ANKRD27: variants seen among roughly 807,000 people sequenced by gnomAD.
The protein encoded by ANKRD27 is ankyrin repeat domain-containing protein 27.
A neutral mutation model predicts 129.7 loss-of-function variants in ANKRD27; 112 were observed. That is an observed-to-expected ratio of 0.86 (90% CI 0.74 to 1.01). The LOEUF (loss-of-function observed/expected upper bound fraction) is 1.01. Ranked by LOEUF, ANKRD27 falls within the 50% of genes least tolerant of loss-of-function variation. ANKRD27 has a pLI of 0.00. For missense variants in ANKRD27, 1,258 were observed against 1,300.5 expected (o/e 0.97, Z 0.50); for synonymous variants, 516 against 511.2 (o/e 1.01, Z -0.13).
At chr19:32,646,727 G>T in intron 3 of ANKRD27, 112 bp from the exon 4 acceptor site, 1 of 1,071,034 alleles carries the variant, frequency 9.3e-7, no homozygotes, top group Non-Finnish European at 1.3e-6. Context: ...ACCCCATTGT[G>T]GGTTTGCTGG....
intron 22 of ANKRD27, among the ~76,000 whole-genome samples, chr19:32,611,800 C>T (rs1971839377): frequency 6.6e-6 from 1 of 152,170 alleles, no homozygotes; most frequent in African/African-American, 2.4e-5. Flanking sequence ...AGGCTGGTCT[C>T]GAATTCCTGA....
intron 25 of ANKRD27, among the ~76,000 whole-genome samples, chr19:32,603,967 C>T (rs1165897931): frequency 6.6e-6 from 1 of 152,138 alleles, no homozygotes; most frequent in African/African-American, 2.4e-5. Flanking sequence ...GTGCCTGACT[C>T]TATGTAACTA....
chr19:32,626,030 G>T, intron 16 of ANKRD27, 64 bp from the exon 17 acceptor site: 1 of 1,358,690 alleles, frequency 7.4e-7, no homozygotes, highest in Non-Finnish European at 9.9e-7. Context: ...CCGGCCTCCA[G>T]TCTTAGCAGG....
chr19:32,651,224 G>C (rs1263464473), intron 2 of ANKRD27, among the ~76,000 whole-genome samples: 2 of 152,182 alleles, frequency 1.3e-5, no homozygotes, highest in African/African-American at 4.8e-5. Flanking sequence ...GTGGGCCACA[G>C]GCAATGGGAT....
chr19:32,643,948 C>T (rs749702444), intron 5 of ANKRD27, among the ~76,000 whole-genome samples: 12 of 151,840 alleles, frequency 7.9e-5, no homozygotes, highest in Non-Finnish European at 1.5e-4. Flanking sequence ...GACTATAGCA[C>T]GCTGCAGTCT....
rs756900338 is a variant in ANKRD27 at position 32,631,484 on chromosome 19, C to G, written c.1127G>C (p.Gly376Ala). The G allele has an allele frequency of 3.1e-6, 5 of 1,613,876 alleles. No homozygotes were observed. Among genetic ancestry groups the G allele is most frequent in the African/African-American group, 1.3e-5 (1 of 74,932 alleles). ...SLSAKPPESEGFGDRLFLKQR... is the reference protein window; with the variant it reads ...SLSAKPPESEAFGDRLFLKQR... ...CTTAAGGAACAGCCTGTCTCCAAAT[C>G]CCTCAGACTCCTGCAGGGAAAAAAC... is the stretch of plus-strand genomic sequence containing the variant. Residue 376 changes from glycine to alanine, a missense_variant, in exon 13 of 29, where the codon GGA becomes GCA. Physicochemically the swap from Gly to Ala is moderately conservative, Grantham distance 60. Transcript: ENST00000306065.
At chr19:32,647,615 G>A (rs1422573380) in intron 3 of ANKRD27, among the ~76,000 whole-genome samples, 1 of 152,184 alleles carries the variant, frequency 6.6e-6, no homozygotes, top group Non-Finnish European at 1.5e-5. Flanking sequence ...GGAAGCACGG[G>A]GTTGTCAGTG....
chr19:32,630,626 A>T lies in ANKRD27; in HGVS notation c.1209+776T>A, dbSNP rs1242663557. ...GTGCCGCCCAGCACAGCTACAGCAC[A>T]GCACGCTGGGGGAGGTGGGGAAACA... On this transcript the variant is annotated intron_variant, in intron 13 of 28. Transcript: ENST00000306065. Among the ~76,000 whole-genome samples, 5 of 152,174 alleles carry T rather than the reference A, an allele frequency of 3.3e-5. No homozygotes were observed. The East Asian group carries it at 9.7e-4, about 29-fold the overall frequency.
chr19:32,656,028 G>GAAGAAA (rs1967511343), intron 2 of ANKRD27, among the ~76,000 whole-genome samples: 1 of 119,918 alleles, frequency 8.3e-6, no homozygotes, highest in Non-Finnish European at 1.6e-5. Flanking sequence ...AAAAAAAAAA[G>GAAGAAA]AAGAAAAGAA....
Position 32,622,549 on chromosome 19 carries a change from G to A in ANKRD27, c.1700C>T (p.Thr567Ile), listed in dbSNP as rs1296337337. ...CCAGCGGGCAGCAATGTGTAGAGGG[G>A]TGTCTCCTTTCTCATTGCCAATGTC... ...RLDIGNEKGDTPLHIAARWGY... is the reference protein window; with the variant it reads ...RLDIGNEKGDIPLHIAARWGY... Residue 567 changes from threonine (T) to isoleucine (I), a missense_variant, in exon 18 of 29, where the codon ACC becomes ATC. Physicochemically the swap from Thr to Ile is moderately conservative, Grantham distance 89 (BLOSUM62 -1). Coordinates refer to ENST00000306065, the MANE Select transcript of ANKRD27 (RefSeq NM_032139.3). 14 of 1,613,920 alleles carry A rather than the reference G, an allele frequency of 8.7e-6. No individual in the cohort carries two copies. Among genetic ancestry groups the A allele is most frequent in the Non-Finnish European group, 1.1e-5 (13 of 1,180,024 alleles).
In ANKRD27 at chr19:32,639,208, A is replaced by AT. The variant is rs1474759384; in HGVS notation, c.1116+147dup. Reference sequence around the variant, plus strand: ...GGCTTGGTGTTCTCTTCACTGAGTGATTTTTAAGACTCACAGCCCTCAAAC... The same window carrying AT: ...GGCTTGGTGTTCTCTTCACTGAGTGATTTTTTAAGACTCACAGCCCTCAAAC... On this transcript the variant is annotated intron_variant, in intron 12 of 28. Coordinates refer to ENST00000306065, the MANE Select transcript of ANKRD27 (RefSeq NM_032139.3). 1.1e-4 allele frequency: 99 copies of AT among 928,206 alleles called. No homozygotes were observed. The East Asian group carries it at 2.4e-3, about 22-fold the overall frequency. 57.5% of individuals were successfully genotyped at this position (928,206 alleles called of 1,614,324 possible).
intron 24 of ANKRD27, among the ~76,000 whole-genome samples, chr19:32,604,790 G>A (rs1224707811): frequency 6.6e-6 from 1 of 152,144 alleles, no homozygotes; most frequent in African/African-American, 2.4e-5. Context: ...AGGCACAGTG[G>A]CCCATGCCTA....
At chr19:32,639,570 T>C (rs1311693666) in intron 11 of ANKRD27, 82 bp from the exon 12 acceptor site, 4 of 1,461,928 alleles carry the variant, frequency 2.7e-6, no homozygotes, top group Non-Finnish European at 3.8e-6. Context: ...CTTGGGCAAC[T>C]GATCAAATAT....
At chr19:32,651,530 C>A (rs1186414961) in intron 2 of ANKRD27, among the ~76,000 whole-genome samples, 1 of 152,128 alleles carries the variant, frequency 6.6e-6, no homozygotes, top group African/African-American at 2.4e-5. Context: ...CCACCACACC[C>A]GGCTAATTTT....
At position 32,619,517 on chromosome 19, in the gene ANKRD27, C is replaced by T. The variant is rs1050910228; in HGVS notation, c.1864G>A (p.Glu622Lys). ...SVMEAYHLSF[E>K]RRQKSSEAPV... Reference sequence around the variant, plus strand: ...ACCTCGGACGACTTCTGCCTCCTCTCGAAGGACAGGTGATAGGCTTCCATT... The same window carrying T: ...ACCTCGGACGACTTCTGCCTCCTCTTGAAGGACAGGTGATAGGCTTCCATT... The change falls in exon 19 of 29, where the codon GAG becomes AAG. Residue 622 changes from glutamate (E) to lysine (K), a missense_variant. Coordinates refer to ENST00000306065, the MANE Select transcript of ANKRD27 (RefSeq NM_032139.3). 8.1e-6 allele frequency: 13 copies of T among 1,614,096 alleles called. No homozygotes were observed. Among genetic ancestry groups the T allele is most frequent in the Middle Eastern group, 1.6e-4 (1 of 6,062 alleles).
chr19:32,598,078 T>A lies in ANKRD27; in HGVS notation c.*67A>T. The stretch of plus-strand genomic sequence containing the variant: ...AAGCACATTTAGTTCTCAGATGTGT[T>A]CACGCTCAGCATCATCTTGTTGCAT... On this transcript the variant is annotated 3_prime_UTR_variant, in exon 29 of 29. Coordinates refer to ENST00000306065, the MANE Select transcript of ANKRD27 (RefSeq NM_032139.3). 1 of 1,441,924 alleles carries A rather than the reference T, an allele frequency of 6.9e-7. No homozygotes were observed. The highest frequency in any genetic ancestry group is 1.2e-5 in the South Asian group (1 of 86,212). 89.3% of individuals were successfully genotyped at this position (1,441,924 alleles called of 1,614,324 possible).
chr19:32,624,304 T>C (rs59330980), intron 17 of ANKRD27, among the ~76,000 whole-genome samples: 7,947 of 150,942 alleles, frequency 0.053, 688 homozygotes, highest in African/African-American at 0.18. Flanking sequence ...GAGGCAGAGG[T>C]TGCAGTGAGC....
In ANKRD27 at chr19:32,607,730, T is replaced by G. The variant is rs770026350; in HGVS notation, c.2278A>C (p.Ile760Leu). The G allele has an allele frequency of 6.2e-7, 1 of 1,612,990 alleles. No individual in the cohort carries two copies. ...VAALHGRADL[I>L]PLLLKHGANA... Reference sequence around the variant, plus strand: ...GCCCCGTGCTTCAGCAGGAGGGGGATGAGGTCCGCCCGGCCGTGCAGGGCG... The same window carrying G: ...GCCCCGTGCTTCAGCAGGAGGGGGAGGAGGTCCGCCCGGCCGTGCAGGGCG... The change falls in exon 23 of 29, where the codon ATC becomes CTC. Residue 760 changes from isoleucine to leucine, a missense_variant. Ile to Leu is a conservative substitution (Grantham distance 5). Coordinates refer to ENST00000306065, the MANE Select transcript of ANKRD27 (RefSeq NM_032139.3).
chr19:32,606,178 A>G (rs1374503605), intron 23 of ANKRD27, among the ~76,000 whole-genome samples: 2 of 131,752 alleles, frequency 1.5e-5, no homozygotes, highest in Non-Finnish European at 3.1e-5. Context: ...TTCCAGACAG[A>G]GTCTCGCTCT....
Sources: allele counts gnomAD v4.1 joint callset (sites outside exome capture counted in the v4.1 genomes callset), GRCh38; gene constraint gnomAD v4.1.1; transcripts MANE v1.5; gene names NCBI Gene and HGNC (gene_info 2026-07-23, HGNC 2026-07-21).